Variants in USP34 observed in about 807,000 individuals in gnomAD.
USP34 encodes the protein ubiquitin carboxyl-terminal hydrolase 34.
A neutral mutation model predicts 460.3 loss-of-function variants in USP34; 70 were observed. That is an observed-to-expected ratio of 0.15 (90% CI 0.13 to 0.19). The LOEUF (loss-of-function observed/expected upper bound fraction) is 0.19. Ranked by LOEUF, USP34 falls within the 10% of genes least tolerant of loss-of-function variation. The pLI, the probability that USP34 is intolerant of heterozygous loss-of-function variation, is 1.00. For missense variants in USP34, 3,985 were observed against 4,236.2 expected (o/e 0.94, Z 1.65); for synonymous variants, 1,647 against 1,405.3 (o/e 1.17, Z -3.85).
rs1008226926 is a variant in USP34 at position 61,204,445 on chromosome 2, A to C, written c.9259+52T>G. On this transcript the variant is annotated intron_variant, in intron 73 of 79. Coordinates refer to ENST00000398571, the MANE Select transcript of USP34 (RefSeq NM_014709.4). ...AATAAATCTCCATGCTTCAGTGTGC[A>C]GAACGATTAAATGCGAACCATATTG... 6.2e-6 allele frequency: 10 copies of C among 1,613,174 alleles called. No homozygotes were observed. The African/African-American group carries it at 1.2e-4, about 19-fold the overall frequency.
intron 5 of USP34, among the ~76,000 whole-genome samples, chr2:61,394,341 C>G (rs1461765486): frequency 6.6e-6 from 1 of 151,714 alleles, no homozygotes; most frequent in Non-Finnish European, 1.5e-5. Context: ...AGGACAGAAT[C>G]CCAGGAAGAT....
rs769131173 is a variant in USP34 at position 61,349,223 on chromosome 2, G to A, written c.1543+27C>T. On this transcript the variant is annotated intron_variant, in intron 13 of 79. Transcript: ENST00000398571. ...CCACTATAAAAAACTAAGTCATGTT[G>A]CCATGAATTTCTAAGGCTCAACTTA... The A allele has an allele frequency of 1.9e-6, 3 of 1,605,674 alleles. No individual in the cohort carries two copies. In the South Asian group the frequency reaches 3.4e-5, roughly 18 times the overall value.
At chr2:61,375,559 G>C (rs1692767312) in intron 8 of USP34, among the ~76,000 whole-genome samples, 1 of 152,048 alleles carries the variant, frequency 6.6e-6, no homozygotes, top group Non-Finnish European at 1.5e-5. Context: ...CACGAGGTCA[G>C]GAGATCGAGT....
At chr2:61,241,703 C>T in intron 52 of USP34, 48 bp from the exon 53 acceptor site, 4 of 1,526,388 alleles carry the variant, frequency 2.6e-6, no homozygotes, top group South Asian at 1.2e-5. Flanking sequence ...CAAAGTATTA[C>T]TCTAAAAGTA....
At chr2:61,198,103 A>G (rs1686860610) in intron 75 of USP34, among the ~76,000 whole-genome samples, 1 of 152,116 alleles carries the variant, frequency 6.6e-6, no homozygotes. Flanking sequence ...TATTAAAATT[A>G]CAAAACCAAT....
rs1689833828 is a variant in USP34 at position 61,290,962 on chromosome 2, A to G, written c.4549-2085T>C. ...GCACAAAGGAAAACAGAGACACTAG[A>G]CTTCATCAAAATTACAAATTTTTGT... On this transcript the variant is annotated intron_variant, in intron 33 of 79. Coordinates refer to ENST00000398571, the MANE Select transcript of USP34 (RefSeq NM_014709.4). Among the ~76,000 whole-genome samples the G allele has an allele frequency of 2.0e-5, 3 of 152,274 alleles. No homozygotes were observed. The South Asian group carries it at 6.2e-4, about 32-fold the overall frequency.
At chr2:61,270,388 G>A (rs770709553) in intron 41 of USP34, among the ~76,000 whole-genome samples, 6 of 152,160 alleles carry the variant, frequency 3.9e-5, no homozygotes, top group Non-Finnish European at 5.9e-5. Context: ...CCAGCCTCCA[G>A]AATTGTGAAA....
At chr2:61,451,220 CAAAAAAAAAAA>C (rs70963432) in intron 1 of USP34, among the ~76,000 whole-genome samples, 14,695 of 51,262 alleles carry the variant, frequency 0.29, 1,455 homozygotes, top group South Asian at 0.58. Context: ...GGCTTCATCT[CAAAAAAAAAAA>C]AAAAAAAAAA....
intron 75 of USP34, among the ~76,000 whole-genome samples, chr2:61,195,649 G>A (rs1055042131): frequency 6.6e-6 from 1 of 152,104 alleles, no homozygotes; most frequent in African/African-American, 2.4e-5. Context: ...TCCAGCCTGG[G>A]TGACAGAGCC....
chr2:61,466,542 C>T (rs1051032659), intron 1 of USP34, among the ~76,000 whole-genome samples: 10 of 152,292 alleles, frequency 6.6e-5, no homozygotes, highest in Admixed American at 2.0e-4. Context: ...GATCACTATA[C>T]GTTTTATGTA....
chr2:61,427,419 T>A lies in USP34; in HGVS notation c.44-6586A>T, dbSNP rs1445868709. On this transcript the variant is annotated intron_variant, in intron 1 of 79. Coordinates refer to ENST00000398571, the MANE Select transcript of USP34 (RefSeq NM_014709.4). ...AAGACTACAATAAATACCTAACTCT[T>A]CAATGCCACTCAAGAACATCTACTA... is the stretch of plus-strand genomic sequence containing the variant. Among the ~76,000 whole-genome samples, 4 of 152,294 alleles carry A rather than the reference T, an allele frequency of 2.6e-5. No homozygotes were observed. In the East Asian group the frequency reaches 7.7e-4, roughly 29 times the overall value.
intron 75 of USP34, among the ~76,000 whole-genome samples, chr2:61,197,543 G>T (rs534664864): frequency 1.2e-4 from 19 of 152,226 alleles, no homozygotes; most frequent in Non-Finnish European, 1.6e-4. Context: ...CCATTTGTTA[G>T]CATTTTCATG....
At chr2:61,331,243 C>T (rs1312634008) in intron 20 of USP34, 33 bp downstream of exon 20, 1 of 1,546,004 alleles carries the variant, frequency 6.5e-7, no homozygotes, top group East Asian at 2.3e-5. Context: ...GACATCGACA[C>T]AAATGTATTT....
At chr2:61,431,931 C>G (rs949570941) in intron 1 of USP34, among the ~76,000 whole-genome samples, 4 of 152,028 alleles carry the variant, frequency 2.6e-5, no homozygotes, top group African/African-American at 9.7e-5. Flanking sequence ...ATGATAAATG[C>G]TTGAGATAAC....
At chr2:61,278,106 G>T (rs1288985776) in intron 41 of USP34, 59 bp downstream of exon 41, 1 of 1,590,850 alleles carries the variant, frequency 6.3e-7, no homozygotes, top group Admixed American at 1.7e-5. Context: ...AATACACAAT[G>T]TAACAACAAA....
intron 29 of USP34, among the ~76,000 whole-genome samples, chr2:61,299,509 T>A (rs535282237): frequency 4.6e-5 from 7 of 152,208 alleles, no homozygotes; most frequent in Middle Eastern, 3.4e-3. Flanking sequence ...TCCCAGCACT[T>A]TAGGAGGCTG....
In USP34 at chr2:61,227,135, G is replaced by A; in HGVS notation, c.7527C>T (p.Tyr2509=). 1 of 1,614,010 alleles carries A rather than the reference G, an allele frequency of 6.2e-7. No homozygotes were observed. The highest frequency in any genetic ancestry group is 1.1e-5 in the South Asian group (1 of 91,072). ...TCATCTTTTCAAGGGCAGCTGGCCT[G>A]TATTTTTCTTCTGCCAGAGAGAGGA... ...EDILSLAEEK[Y]RPAALEKMIA... is the part of the protein sequence containing the mutation. Residue 2509 remains tyrosine, a synonymous_variant, in exon 62 of 80, where the codon TAC becomes TAT. Transcript: ENST00000398571.
Position 61,380,404 on chromosome 2 carries a change from G to A in USP34, c.822-43C>T, listed in dbSNP as rs535407209. 6.4e-6 allele frequency: 10 copies of A among 1,562,484 alleles called. No individual in the cohort carries two copies. The South Asian group carries it at 1.2e-4, about 18-fold the overall frequency. ...TAGAAAATACACAAAAATTCATAAA[G>A]CATTTTTAAAGACCACTCAGTAACT... On this transcript the variant is annotated intron_variant, in intron 6 of 79. Coordinates refer to ENST00000398571, the MANE Select transcript of USP34 (RefSeq NM_014709.4).
At position 61,420,785 on chromosome 2, in the gene USP34, G is replaced by A. The variant is rs754131282; in HGVS notation, c.92C>T (p.Thr31Ile). 18 of 1,611,502 alleles carry A rather than the reference G, an allele frequency of 1.1e-5. No individual in the cohort carries two copies. Among genetic ancestry groups the A allele is most frequent in the Non-Finnish European group, 1.3e-5 (15 of 1,178,724 alleles). Residue 31 changes from threonine to isoleucine, a missense_variant, in exon 2 of 80, where the codon ACT becomes ATT. Physicochemically the swap from Thr to Ile is moderately conservative, Grantham distance 89 (BLOSUM62 -1). Coordinates refer to ENST00000398571, the MANE Select transcript of USP34 (RefSeq NM_014709.4). ...ATTGATATAAGTAAATATTTTGAGA[G>A]TATGTTCCTTTCTGAGCTGCAGTCC... is the stretch of plus-strand genomic sequence containing the variant. ...GDGLQLRKEH[T>I]LKIFTYINSW...
Sources: gnomAD v4.1 joint callset for allele counts (sites outside exome capture counted in the v4.1 genomes callset) on GRCh38, gnomAD v4.1.1 for gene constraint, MANE v1.5 for transcripts, NCBI Gene and HGNC (gene_info 2026-07-23, HGNC 2026-07-21) for gene names.